Variants in PDE1A observed in about 807,000 individuals in gnomAD.
PDE1A encodes the protein dual specificity calcium/calmodulin-dependent 3',5'-cyclic nucleotide phosphodiesterase 1A.
Under a neutral mutation model 61.7 loss-of-function variants are expected in PDE1A, and 35 were observed. The ratio of observed to expected loss-of-function variants is 0.57; its 90% CI spans 0.43 to 0.75. The LOEUF is 0.75. Among genes scored for constraint, PDE1A ranks in the 30% least tolerant of loss-of-function variants. The pLI is 0.00. For missense variants in PDE1A, 597 were observed against 630.6 expected, an observed-to-expected ratio of 0.95 and a Z score of 0.57; for synonymous variants, 232 against 213.2, an observed-to-expected ratio of 1.09 and a Z score of -0.77.
chr2:182,537,928 G>C, the PDE1A span, among the ~76,000 whole-genome samples: 1 of 152,078 alleles, frequency 6.6e-6, no homozygotes, highest in Non-Finnish European at 1.5e-5. Context: ...TTGAACAAGA[G>C]ATTGAAGCTC....
At chr2:182,201,727 T>A (rs763926952) in exon 9 of PDE1A, 12 of 1,612,042 alleles carry the variant, frequency 7.4e-6, no homozygotes, top group African/African-American at 1.3e-5. Context: ...ATTTTTAATT[T>A]GCTGGAAGTG....
chr2:182,579,127 G>A, the PDE1A span, among the ~76,000 whole-genome samples: 1 of 152,172 alleles, frequency 6.6e-6, no homozygotes, highest in Non-Finnish European at 1.5e-5. Flanking sequence ...ATTCTAACTT[G>A]ATTATAACAG....
chr2:182,525,673 A>G (rs1436776161), upstream of PDE1A, among the ~76,000 whole-genome samples: 2 of 152,174 alleles, frequency 1.3e-5, no homozygotes, highest in African/African-American at 4.8e-5. Context: ...CTGCAGAACC[A>G]TGAGCCAATT....
At chr2:182,444,420 T>C (rs1216927653) in intron 2 of PDE1A, among the ~76,000 whole-genome samples, 1 of 152,150 alleles carries the variant, frequency 6.6e-6, no homozygotes, top group Non-Finnish European at 1.5e-5. Context: ...TTTTCATTAA[T>C]CATTAACTGT....
intron 1 of PDE1A, among the ~76,000 whole-genome samples, chr2:182,323,430 G>A (rs747091812): frequency 3.3e-5 from 5 of 152,144 alleles, no homozygotes; most frequent in Non-Finnish European, 5.9e-5. Context: ...CTATAATAAG[G>A]AATGTTTTCT....
upstream of PDE1A, among the ~76,000 whole-genome samples, chr2:182,527,932 C>G (rs991044923): frequency 3.3e-5 from 5 of 152,102 alleles, no homozygotes; most frequent in African/African-American, 1.2e-4. Flanking sequence ...GATTGTAAGG[C>G]CTCCCCAGCC....
chr2:182,565,063 A>G, the PDE1A span, among the ~76,000 whole-genome samples: 1 of 152,204 alleles, frequency 6.6e-6, no homozygotes, highest in Admixed American at 6.5e-5. Flanking sequence ...CGTCAAAGTC[A>G]TTCTCCATCC....
chr2:182,503,996 C>T (rs1357874516), intron 2 of PDE1A, among the ~76,000 whole-genome samples: 1 of 152,156 alleles, frequency 6.6e-6, no homozygotes, highest in African/African-American at 2.4e-5. Context: ...TCCAAAGTAT[C>T]TCAATGTTTT....
chr2:182,678,160 C>A, the PDE1A span, among the ~76,000 whole-genome samples: 1 of 152,208 alleles, frequency 6.6e-6, no homozygotes, highest in Non-Finnish European at 1.5e-5. Flanking sequence ...CGCAGTGGCT[C>A]ACGCCTGTAA....
chr2:182,340,146 A>G (rs1392010071), intron 1 of PDE1A, among the ~76,000 whole-genome samples: 4 of 152,214 alleles, frequency 2.6e-5, no homozygotes, highest in Non-Finnish European at 5.9e-5. Flanking sequence ...GATTTATAAA[A>G]TTGTCAGAAG....
chr2:182,685,969 A>G, the PDE1A span, among the ~76,000 whole-genome samples: 2 of 152,214 alleles, frequency 1.3e-5, no homozygotes, highest in African/African-American at 4.8e-5. Context: ...ATCATATATC[A>G]TATAATGATT....
chr2:182,466,185 T>C (rs1165889146), intron 2 of PDE1A, among the ~76,000 whole-genome samples: 1 of 151,998 alleles, frequency 6.6e-6, no homozygotes, highest in Non-Finnish European at 1.5e-5. Flanking sequence ...CTCAGTCCTC[T>C]TTACTCTTGT....
intron 1 of PDE1A, among the ~76,000 whole-genome samples, chr2:182,347,592 G>A (rs17343304): frequency 0.32 from 49,216 of 151,846 alleles, 9,749 homozygotes; most frequent in Middle Eastern, 0.45. Context: ...TTGGAACATT[G>A]TTTTTTTGTC....
chr2:182,319,918 G>C (rs1272627846), intron 1 of PDE1A, among the ~76,000 whole-genome samples: 1 of 152,092 alleles, frequency 6.6e-6, no homozygotes, highest in African/African-American at 2.4e-5. Flanking sequence ...TCAAGAAGCA[G>C]TTTTCCATTT....
chr2:182,339,335 A>C (rs1175304685), intron 1 of PDE1A, among the ~76,000 whole-genome samples: 1 of 152,224 alleles, frequency 6.6e-6, no homozygotes, highest in East Asian at 1.9e-4. Flanking sequence ...TGTTCAGTAT[A>C]AACTAGATGC....
chr2:182,392,463 C>T (rs933489599), intron 1 of PDE1A, among the ~76,000 whole-genome samples: 2 of 152,324 alleles, frequency 1.3e-5, no homozygotes, highest in Non-Finnish European at 2.9e-5. Context: ...GGGACACAGC[C>T]AAATCACATC....
At chr2:182,444,929 C>T (rs1435604758) in intron 2 of PDE1A, among the ~76,000 whole-genome samples, 1 of 151,996 alleles carries the variant, frequency 6.6e-6, no homozygotes, top group Non-Finnish European at 1.5e-5. Context: ...GTTTTATGTG[C>T]TAAAACAGTC....
chr2:182,209,651 TAA>T (rs1687412429), intron 7 of PDE1A, among the ~76,000 whole-genome samples: 1 of 151,862 alleles, frequency 6.6e-6, no homozygotes. Context: ...GTTCTCATGA[TAA>T]TGAGTGAGTT....
At chr2:182,427,087 T>A, upstream of PDE1A, 1 of 907,354 alleles carries the variant, frequency 1.1e-6, no homozygotes, top group Non-Finnish European at 1.3e-6. Flanking sequence ...CTCAACTTTT[T>A]TTCTTCAAAA....
Sources: allele counts gnomAD v4.1 joint callset (sites outside exome capture counted in the v4.1 genomes callset), GRCh38; gene constraint gnomAD v4.1.1; transcripts MANE v1.5; gene names NCBI Gene and HGNC (gene_info 2026-07-23, HGNC 2026-07-21).